CENPI: variants seen among roughly 807,000 people sequenced by gnomAD.
CENPI encodes FSH primary response 1.
In CENPI, 4 loss-of-function variants were observed where a neutral mutation model predicts 60.4. That is an observed-to-expected ratio of 0.07 (90% CI 0.03 to 0.15). The LOEUF (loss-of-function observed/expected upper bound fraction) is 0.15, where lower values mean the gene tolerates loss of function less well. Among genes scored for constraint, CENPI ranks in the 10% least tolerant of loss-of-function variants. CENPI has a pLI of 1.00. For missense variants in CENPI, 444 were observed against 534.5 expected (o/e 0.83, Z 1.67); for synonymous variants, 157 against 189.4 (o/e 0.83, Z 1.40).
At chrX:101,127,045 A>G in intron 9 of CENPI, 93 bp from the exon 10 acceptor site, 1 of 782,561 alleles carries the variant, frequency 1.3e-6, no homozygotes. Context: ...AAAGGATTTC[A>G]TAATATATTT....
At chrX:101,166,654 A>C (rs2090145262), downstream of CENPI, among the ~76,000 whole-genome samples, 1 of 112,871 alleles carries the variant, frequency 8.9e-6, no homozygotes, top group African/African-American at 3.2e-5. Flanking sequence ...CAGTTGTAAA[A>C]AAGTATTTTC....
In CENPI at chrX:101,127,194, A is replaced by G. The variant is rs1309435051; in HGVS notation, c.834A>G (p.Gln278=). The G allele has an allele frequency of 8.4e-7, 1 of 1,194,913 alleles. No homozygotes were observed. Among genetic ancestry groups the G allele is most frequent in the East Asian group, 3.0e-5 (1 of 33,602 alleles). The change falls in exon 10 of 22, where the codon CAA becomes CAG. Residue 278 remains glutamine, a synonymous_variant. Transcript: ENST00000682095. The stretch of plus-strand genomic sequence containing the variant: ...AGACGGCTCTGCTTGCCGTGAAGCA[A>G]AGAAACCGGGGACCTTCTCCAGAAC... ...LWKTALLAVK[Q]RNRGPSPEPL...
intron 20 of CENPI, among the ~76,000 whole-genome samples, chrX:101,159,771 G>GT (rs2148263490): frequency 8.9e-6 from 1 of 112,037 alleles, no homozygotes; most frequent in Non-Finnish European, 1.9e-5. Flanking sequence ...TGACTCTTTG[G>GT]TTTTTTGACT....
chrX:101,166,881 T>G (rs1262401131), downstream of CENPI, among the ~76,000 whole-genome samples: 2 of 112,223 alleles, frequency 1.8e-5, no homozygotes, highest in African/African-American at 6.5e-5. Context: ...TGCCTCAGCC[T>G]CCCAAGTAGC....
the CENPI span, among the ~76,000 whole-genome samples, chrX:101,178,402 T>TC: frequency 5.0e-4 from 26 of 52,007 alleles, no homozygotes; most frequent in African/African-American, 2.4e-3. Flanking sequence ...CTTCTTCTTT[T>TC]TTTTTTTTTT....
At chrX:101,120,505 G>A (rs1428715420) in intron 7 of CENPI, 55 bp downstream of exon 7, 2 of 672,143 alleles carry the variant, frequency 3.0e-6, no homozygotes, top group African/African-American at 2.2e-5. Flanking sequence ...ATTTGTATTG[G>A]CCTTTATAAA....
downstream of CENPI, among the ~76,000 whole-genome samples, chrX:101,168,266 GA>G (rs1382850687): frequency 1.8e-5 from 2 of 112,547 alleles, no homozygotes; most frequent in Non-Finnish European, 3.8e-5. Context: ...AAACAGTAAT[GA>G]ATGGAAACCT....
intron 15 of CENPI, among the ~76,000 whole-genome samples, chrX:101,137,801 G>C (rs1212814536): frequency 9.7e-6 from 1 of 102,583 alleles, no homozygotes; most frequent in East Asian, 3.2e-4. Flanking sequence ...TAGATATAGG[G>C]CAGTATCTCG....
the CENPI span, among the ~76,000 whole-genome samples, chrX:101,173,477 T>G: frequency 9.2e-6 from 1 of 109,017 alleles, no homozygotes; most frequent in Non-Finnish European, 1.9e-5. Flanking sequence ...ATACAGAATT[T>G]CCACAGTTCT....
intron 12 of CENPI, 117 bp from the exon 13 acceptor site, chrX:101,129,865 A>T: frequency 2.0e-6 from 1 of 489,754 alleles, no homozygotes; most frequent in East Asian, 3.6e-5. Context: ...GTTAGCTAGG[A>T]TGTATGAGAC....
intron 15 of CENPI, among the ~76,000 whole-genome samples, chrX:101,139,841 G>GT (rs1297389512): frequency 0.14 from 13,622 of 95,201 alleles, 796 homozygotes; most frequent in Middle Eastern, 0.19. Flanking sequence ...TTTGTTTTTT[G>GT]TTTTTTTTTT....
the CENPI span, among the ~76,000 whole-genome samples, chrX:101,171,412 A>G: frequency 1.2e-4 from 14 of 112,632 alleles, no homozygotes; most frequent in Non-Finnish European, 2.4e-4. Flanking sequence ...TGGATTTAAA[A>G]AACTAAATAT....
At chrX:101,180,294 A>G in the CENPI span, among the ~76,000 whole-genome samples, 1 of 110,442 alleles carries the variant, frequency 9.1e-6, no homozygotes, top group African/African-American at 3.3e-5. Context: ...GCACCACAGC[A>G]CCTGGCTAAT....
chrX:101,148,709 G>A (rs2089982032), intron 20 of CENPI, among the ~76,000 whole-genome samples: 1 of 111,843 alleles, frequency 8.9e-6, no homozygotes, highest in Admixed American at 9.6e-5. Flanking sequence ...ATGTGTGTGT[G>A]ACATGGAGAA....
chrX:101,159,863 G>A (rs2090091045), intron 20 of CENPI, among the ~76,000 whole-genome samples: 1 of 111,910 alleles, frequency 8.9e-6, no homozygotes, highest in Non-Finnish European at 1.9e-5. Context: ...TTTGTTTTGT[G>A]AGGAGGACAA....
chrX:101,139,707 T>C (rs1217205564), intron 15 of CENPI, among the ~76,000 whole-genome samples: 1 of 112,145 alleles, frequency 8.9e-6, no homozygotes, highest in African/African-American at 3.2e-5. Flanking sequence ...GTAAGAATTT[T>C]TAAGAAAGGT....
At chrX:101,149,814 C>T (rs1014998125) in intron 20 of CENPI, among the ~76,000 whole-genome samples, 3 of 110,665 alleles carry the variant, frequency 2.7e-5, no homozygotes, top group African/African-American at 9.9e-5. Context: ...GCCAGTGGTG[C>T]TTTTTCAAAG....
At chrX:101,099,301 G>T (rs1035245605) in intron 2 of CENPI, among the ~76,000 whole-genome samples, 1 of 109,720 alleles carries the variant, frequency 9.1e-6, no homozygotes, top group Middle Eastern at 4.2e-3. Flanking sequence ...GGTGGTGTGC[G>T]CCTGTAATTC....
intron 12 of CENPI, among the ~76,000 whole-genome samples, chrX:101,129,751 A>C (rs2089775488): frequency 8.9e-6 from 1 of 111,874 alleles, no homozygotes; most frequent in Non-Finnish European, 1.9e-5. Flanking sequence ...CCATTTCTAT[A>C]AGCTTTTCCC....
Sources: allele counts gnomAD v4.1 joint callset (sites outside exome capture counted in the v4.1 genomes callset), GRCh38; gene constraint gnomAD v4.1.1; transcripts MANE v1.5; gene names NCBI Gene and HGNC (gene_info 2026-07-23, HGNC 2026-07-21).